Variants in DCDC2C observed in about 807,000 individuals in gnomAD.
DCDC2C encodes the protein doublecortin domain-containing protein 2C.
DCDC2C carries 44 observed loss-of-function variants against 45.0 expected under a neutral mutation model. That is an observed-to-expected ratio of 0.98 (90% CI 0.77 to 1.26). DCDC2C has a LOEUF of 1.26. DCDC2C is among the 50% of genes most tolerant of loss of function. The probability of loss-of-function intolerance (pLI) is 0.00; values close to 1 mark genes in which losing one functional copy is unlikely to be tolerated. For missense variants in DCDC2C, 447 were observed against 468.9 expected (o/e 0.95, Z 0.43); for synonymous variants, 187 against 178.8 (o/e 1.05, Z -0.37).
At chr2:3,720,465 C>T (rs546050188) in intron 2 of DCDC2C, among the ~76,000 whole-genome samples, 116 of 152,306 alleles carry the variant, frequency 7.6e-4, no homozygotes, top group Non-Finnish European at 1.4e-3. Flanking sequence ...GTATTAGACA[C>T]TCTTTTGTTC....
chr2:3,778,667 G>A, intron 8 of DCDC2C, 149 bp from the exon 9 acceptor site: 1 of 667,754 alleles, frequency 1.5e-6, no homozygotes, highest in South Asian at 2.1e-5. Context: ...CAGAGTGGAT[G>A]CCATCCTGCA....
chr2:3,726,863 G>C (rs1668703645), intron 2 of DCDC2C, 140 bp from the exon 3 acceptor site: 3 of 700,060 alleles, frequency 4.3e-6, no homozygotes. Flanking sequence ...CATCCTTCCT[G>C]GACCCGCCCC....
chr2:3,779,333 T>G (rs898659747), intron 9 of DCDC2C, among the ~76,000 whole-genome samples: 1 of 152,174 alleles, frequency 6.6e-6, no homozygotes, highest in African/African-American at 2.4e-5. Flanking sequence ...GTGCGGTGCC[T>G]GTGTGCAGAT....
At chr2:3,744,096 C>A (rs560193596) in intron 4 of DCDC2C, among the ~76,000 whole-genome samples, 1 of 146,610 alleles carries the variant, frequency 6.8e-6, no homozygotes, top group Non-Finnish European at 1.5e-5. Context: ...GGAGGATTGC[C>A]GAGCAGGGTT....
intron 6 of DCDC2C, among the ~76,000 whole-genome samples, chr2:3,765,732 G>A (rs932766342): frequency 3.3e-5 from 5 of 152,166 alleles, no homozygotes; most frequent in African/African-American, 1.2e-4. Context: ...CCTTGCCCTT[G>A]GGTGGCTTCT....
chr2:3,778,531 A>G (rs1053789977), intron 8 of DCDC2C, among the ~76,000 whole-genome samples: 1 of 152,188 alleles, frequency 6.6e-6, no homozygotes, highest in African/African-American at 2.4e-5. Context: ...TGGTGTCCCA[A>G]GAATTACAAA....
At chr2:3,834,301 T>C (rs2034734) in intron 10 of DCDC2C, among the ~76,000 whole-genome samples, 83,348 of 151,952 alleles carry the variant, frequency 0.55, 23,544 homozygotes, top group Non-Finnish European at 0.62. Flanking sequence ...ATTATAGTGT[T>C]GTGCAGAGTA....
rs544202285 is a variant in DCDC2C, at chr2:3,766,650, C to T, written c.727-1104C>T. ...AAAACCTGGCAGTTTGCATCATATG[C>T]AATATATTAACGGTACAAGGCAGGT... On this transcript the variant is annotated intron_variant, in intron 6 of 10. Transcript: ENST00000399143. Among the ~76,000 whole-genome samples the T allele has an allele frequency of 5.9e-5, 9 of 152,184 alleles. No homozygotes were observed. In the South Asian group the frequency reaches 1.9e-3, roughly 32 times the overall value.
At chr2:3,828,649 C>A (rs148929940) in intron 10 of DCDC2C, among the ~76,000 whole-genome samples, 1 of 152,292 alleles carries the variant, frequency 6.6e-6, no homozygotes, top group East Asian at 1.9e-4. Context: ...GGAATGAGCC[C>A]ATTTCACACT....
chr2:3,732,362 A>G (rs113695578), intron 3 of DCDC2C, among the ~76,000 whole-genome samples: 6 of 152,228 alleles, frequency 3.9e-5, no homozygotes, highest in African/African-American at 1.4e-4. Flanking sequence ...GAGGCTGTCA[A>G]TGGAACTGTG....
chr2:3,734,760 G>A lies in DCDC2C; in HGVS notation c.417-7160G>A, dbSNP rs1668971397. ...AAGCTCTCGCAATCCACGTTTTTAT[G>A]TTTTGGGGAGAAGACTCCAAGACAT... On this transcript the variant is annotated intron_variant, in intron 3 of 10. Transcript: ENST00000399143. This position sits in a 1 kb window ranked among gnomAD's most constrained non-coding sequence, Gnocchi z 4.2. Among the ~76,000 whole-genome samples the A allele has an allele frequency of 6.6e-6, 1 of 152,156 alleles. No homozygotes were observed. Among genetic ancestry groups the A allele is most frequent in the African/African-American group, 2.4e-5 (1 of 41,438 alleles).
chr2:3,789,047 T>C (rs1378775653), intron 10 of DCDC2C, among the ~76,000 whole-genome samples: 1 of 152,130 alleles, frequency 6.6e-6, no homozygotes, highest in African/African-American at 2.4e-5. Flanking sequence ...GAGAAGGATT[T>C]CACCATGTTG....
Position 3,734,609 on chromosome 2 carries a change from C to A in DCDC2C, c.417-7311C>A, listed in dbSNP as rs542543994. ...AGCAGTGGGGTCTGTAGGGTCTGAA[C>A]GGGATGAGGAATGTGTGTGTCTAAT... On this transcript the variant is annotated intron_variant, in intron 3 of 10. Coordinates refer to ENST00000399143, the MANE Select transcript of DCDC2C (RefSeq NM_001287444.2). This position sits in a 1 kb window ranked among gnomAD's most constrained non-coding sequence, Gnocchi z 4.2. 6.6e-6 allele frequency among the ~76,000 whole-genome samples: 1 copy of A among 152,102 alleles called. No individual in the cohort carries two copies. The highest frequency in any genetic ancestry group is 6.6e-5 in the Admixed American group (1 of 15,264).
chr2:3,728,509 A>T (rs1173308994), intron 3 of DCDC2C, among the ~76,000 whole-genome samples: 1 of 152,140 alleles, frequency 6.6e-6, no homozygotes, highest in Non-Finnish European at 1.5e-5. Context: ...TATGTGCGTG[A>T]CCCAGGCCAT....
chr2:3,740,999 A>T (rs778756560), intron 3 of DCDC2C, among the ~76,000 whole-genome samples: 2 of 152,226 alleles, frequency 1.3e-5, no homozygotes, highest in Non-Finnish European at 2.9e-5. Flanking sequence ...TAGACTCGAT[A>T]CACCTTGTAT....
intron 4 of DCDC2C, among the ~76,000 whole-genome samples, chr2:3,742,336 G>A (rs570151348): frequency 1.3e-5 from 2 of 152,188 alleles, no homozygotes; most frequent in Non-Finnish European, 2.9e-5. Context: ...TATTGAGTGG[G>A]CCGACCGTTC....
In DCDC2C at chr2:3,710,687, A is replaced by G. The variant is rs551708236; in HGVS notation, c.339+2087A>G. Among the ~76,000 whole-genome samples, 3 of 152,224 alleles carry G rather than the reference A, an allele frequency of 2.0e-5. No homozygotes were observed. The East Asian group carries it at 5.8e-4, about 29-fold the overall frequency. On this transcript the variant is annotated intron_variant, in intron 2 of 10. Coordinates refer to ENST00000399143, the MANE Select transcript of DCDC2C (RefSeq NM_001287444.2). The stretch of plus-strand genomic sequence containing the variant: ...GACTACTGTCATCATCTTTACACCC[A>G]TGAGTACCTACTGTTTAGTTCCCAC...
At chr2:3,738,072 TA>T (rs1490376289) in intron 3 of DCDC2C, among the ~76,000 whole-genome samples, 1 of 152,102 alleles carries the variant, frequency 6.6e-6, no homozygotes. Context: ...AATTAAAAAT[TA>T]AAAAAATAAA....
intron 1 of DCDC2C, among the ~76,000 whole-genome samples, chr2:3,706,553 C>CGTGT (rs10640168): frequency 5.9e-5 from 9 of 151,528 alleles, no homozygotes; most frequent in Admixed American, 2.6e-4. Context: ...CATGTGTGTG[C>CGTGT]GTGTGTGTGT....
Sources: gnomAD v4.1 joint callset for allele counts (sites outside exome capture counted in the v4.1 genomes callset) on GRCh38, gnomAD v4.1.1 for gene constraint, Gnocchi (gnomAD v3.1) non-coding constraint, MANE v1.5 for transcripts, NCBI Gene and HGNC (gene_info 2026-07-23, HGNC 2026-07-21) for gene names.